The following TSNARE1 variants were observed in gnomAD, a reference collection of about 807,000 sequenced individuals.
TSNARE1 encodes t-SNARE domain containing 1.
TSNARE1 carries 49 observed loss-of-function variants against 62.0 expected under a neutral mutation model. That is an observed-to-expected ratio of 0.79 (90% CI 0.63 to 1.00). The LOEUF is 1.00. Among genes scored for constraint, TSNARE1 ranks in the 50% least tolerant of loss-of-function variants. TSNARE1 has a pLI of 0.00. For synonymous variants in TSNARE1, 328 were observed against 294.4 expected (o/e 1.11, Z -1.17); for missense variants, 755 against 700.1 (o/e 1.08, Z -0.88).
At chr8:142,271,174 A>G (rs1698390029) in intron 12 of TSNARE1, 11 of 989,774 alleles carry the variant, frequency 1.1e-5, no homozygotes, top group Non-Finnish European at 1.3e-5. Context: ...GGGAGCCTCC[A>G]GCAGGCCCCT....
chr8:142,389,538 G>A (rs1180495549), intron 1 of TSNARE1, among the ~76,000 whole-genome samples: 1 of 152,140 alleles, frequency 6.6e-6, no homozygotes, highest in Non-Finnish European at 1.5e-5. Flanking sequence ...CACCCATTTT[G>A]TAATAGGAAA....
At chr8:142,402,892 G>A (rs1564025977) in intron 1 of TSNARE1, 1 of 152,042 alleles carries the variant, frequency 6.6e-6, no homozygotes, top group Non-Finnish European at 1.5e-5. Context: ...CAGGGTCCCT[G>A]GCGCCCCTGG....
intron 1 of TSNARE1, among the ~76,000 whole-genome samples, chr8:142,391,105 C>G (rs1837486404): frequency 8.9e-6 from 1 of 112,504 alleles, no homozygotes; most frequent in Non-Finnish European, 1.9e-5. Context: ...GCTGGGGACT[C>G]TAACAGACGC....
intron 6 of TSNARE1, among the ~76,000 whole-genome samples, chr8:142,329,904 G>A (rs1040825691): frequency 6.6e-5 from 10 of 152,258 alleles, no homozygotes; most frequent in South Asian, 2.1e-4. Flanking sequence ...CAGCTGGTGC[G>A]TGAGGCTGTG....
At chr8:142,267,368 T>A (rs1791199682) in intron 12 of TSNARE1, among the ~76,000 whole-genome samples, 1 of 152,210 alleles carries the variant, frequency 6.6e-6, no homozygotes, top group Non-Finnish European at 1.5e-5. Flanking sequence ...CCTCATTTCC[T>A]GAGATCCTCT....
At chr8:142,292,675 G>C (rs915034141) in intron 10 of TSNARE1, among the ~76,000 whole-genome samples, 2 of 152,138 alleles carry the variant, frequency 1.3e-5, no homozygotes, top group African/African-American at 4.8e-5. Flanking sequence ...GACAGGGAAG[G>C]AGAGCAGACA....
At chr8:142,279,133 G>A (rs1446175402) in intron 11 of TSNARE1, among the ~76,000 whole-genome samples, 1 of 152,228 alleles carries the variant, frequency 6.6e-6, no homozygotes, top group Non-Finnish European at 1.5e-5. Context: ...TTCAGACCCT[G>A]GGGCCAGCTG....
Position 142,318,636 on chromosome 8 carries a change from TG to T in TSNARE1, c.894-3del. On this transcript the variant is annotated splice_polypyrimidine_tract_variant and splice_region_variant and intron_variant, in intron 6 of 13. Transcript: ENST00000524325. ...TTGGTCTCCTGCTGTGCCGTGTGCCTGGGGGCCGAGAAGGAGCCAGGAGCGA... is the reference window on the plus strand; with the variant it reads ...TTGGTCTCCTGCTGTGCCGTGTGCCTGGGGCCGAGAAGGAGCCAGGAGCGA... 6.2e-7 allele frequency: 1 copy of T among 1,613,080 alleles called. No homozygotes were observed.
chr8:142,400,900 A>T lies in TSNARE1; in HGVS notation c.-40+2204T>A, dbSNP rs548527958. Among the ~76,000 whole-genome samples the T allele has an allele frequency of 7.9e-4, 120 of 152,332 alleles. 1 individual carries two copies. The highest frequency in any genetic ancestry group is 2.8e-3 in the African/African-American group (117 of 41,582). On this transcript the variant is annotated intron_variant, in intron 1 of 13. Transcript: ENST00000524325. ...CTCCTCCCAGGGTGACTGTGAGAGT[A>T]AACTGAGTAATGAACACAGTTCCCT...
At chr8:142,315,751 C>T (rs1395139681) in intron 7 of TSNARE1, among the ~76,000 whole-genome samples, 1 of 152,244 alleles carries the variant, frequency 6.6e-6, no homozygotes, top group Non-Finnish European at 1.5e-5. Context: ...AGCTTCCTCC[C>T]AGCACCCACC....
Position 142,344,003 on chromosome 8 carries a change from G to A in TSNARE1, c.708C>T (p.Ala236=). The A allele has an allele frequency of 2.6e-6, 4 of 1,551,138 alleles. No homozygotes were observed. The highest frequency in any genetic ancestry group is 3.5e-6 in the Non-Finnish European group (4 of 1,147,024). ...QVVAKTFSCQ[A]LPSEGFSLEP... is the part of the protein sequence containing the mutation. ...CCAGACTGAAGCCCTCGGAGGGCAG[G>A]GCCTGGCAAGAGAAGGTCTTGGCCA... Residue 236 remains alanine (A), a synonymous_variant, in exon 4 of 14, where the codon GCC becomes GCT. Transcript: ENST00000524325.
chr8:142,381,942 G>A (rs1019553840), intron 1 of TSNARE1, among the ~76,000 whole-genome samples: 1 of 152,118 alleles, frequency 6.6e-6, no homozygotes, highest in South Asian at 2.1e-4. Flanking sequence ...ACTCTCAGAC[G>A]CTGCCCAGTC....
chr8:142,213,722 G>A (rs1442132335), intron 13 of TSNARE1, among the ~76,000 whole-genome samples: 1 of 152,186 alleles, frequency 6.6e-6, no homozygotes, highest in African/African-American at 2.4e-5. Context: ...CAGGAAGCAG[G>A]GAGGCGAGGG....
At chr8:142,320,890 C>G (rs1426529298) in intron 6 of TSNARE1, among the ~76,000 whole-genome samples, 2 of 152,256 alleles carry the variant, frequency 1.3e-5, no homozygotes, top group African/African-American at 4.8e-5. Context: ...GAAACATCCT[C>G]ATGGAGCCAT....
At chr8:142,377,890 T>C (rs1156894641) in intron 1 of TSNARE1, among the ~76,000 whole-genome samples, 2 of 152,246 alleles carry the variant, frequency 1.3e-5, no homozygotes, top group Non-Finnish European at 2.9e-5. Flanking sequence ...TTATATAATA[T>C]GCAGCATCTC....
intron 1 of TSNARE1, among the ~76,000 whole-genome samples, chr8:142,367,785 T>G (rs1835661315): frequency 6.6e-6 from 1 of 152,040 alleles, no homozygotes; most frequent in Non-Finnish European, 1.5e-5. Flanking sequence ...AGTCTAAAAA[T>G]AGAGCCACGT....
At chr8:142,406,884 T>A (rs1490517228), upstream of TSNARE1, 1 of 152,250 alleles carries the variant, frequency 6.6e-6, no homozygotes, top group African/African-American at 2.4e-5. Context: ...GACAGTGGTC[T>A]GACCATTCAA....
chr8:142,287,135 G>A (rs547160539), intron 10 of TSNARE1, among the ~76,000 whole-genome samples: 42 of 152,048 alleles, frequency 2.8e-4, no homozygotes, highest in African/African-American at 9.6e-4. Flanking sequence ...GTGGAACCCA[G>A]GACCCCGGCC....
At chr8:142,380,523 CT>C (rs1240585411) in intron 1 of TSNARE1, among the ~76,000 whole-genome samples, 1 of 151,788 alleles carries the variant, frequency 6.6e-6, no homozygotes, top group Non-Finnish European at 1.5e-5. Context: ...GCCCCCACCC[CT>C]GCACTCATCT....
Sources: allele counts gnomAD v4.1 joint callset (sites outside exome capture counted in the v4.1 genomes callset), GRCh38; gene constraint gnomAD v4.1.1; transcripts MANE v1.5; gene names NCBI Gene and HGNC (gene_info 2026-07-23, HGNC 2026-07-21).